The following DAB1 variants were observed in gnomAD, a reference collection of about 807,000 sequenced individuals.
The protein encoded by DAB1 is disabled homolog 1.
DAB1 carries 15 observed loss-of-function variants against 64.6 expected under a neutral mutation model. The ratio of observed to expected loss-of-function variants is 0.23; its 90% CI spans 0.16 to 0.36. DAB1 has a LOEUF of 0.36. DAB1 is among the 10% of genes least tolerant of loss of function. The probability of loss-of-function intolerance (pLI) is 1.00; values close to 1 mark genes in which losing one functional copy is unlikely to be tolerated. For missense variants in DAB1, 596 were observed against 706.7 expected, an observed-to-expected ratio of 0.84 and a Z score of 1.78; for synonymous variants, 235 against 251.9, an observed-to-expected ratio of 0.93 and a Z score of 0.64.
chr1:57,813,652 G>A (rs1261531176), intron 6 of DAB1, among the ~76,000 whole-genome samples: 1 of 152,170 alleles, frequency 6.6e-6, no homozygotes, highest in Admixed American at 6.5e-5. Flanking sequence ...ATGCTGTGTA[G>A]GAGCTGTTAG....
chr1:57,015,268 G>C lies in DAB1; in HGVS notation c.1059C>G (p.Pro353=). The C allele has an allele frequency of 6.2e-7, 1 of 1,614,168 alleles. No homozygotes were observed. Among genetic ancestry groups the C allele is most frequent in the African/African-American group, 1.3e-5 (1 of 75,050 alleles). The part of the protein sequence containing the change: ...QPGLFPATQQ[P]WPTVAGQFPP... ...GAAACTGCCCGGCCACAGTTGGCCA[G>C]GGCTGCTGAGTGGCAGGAAAGAGAC... The change falls in exon 12 of 15, where the codon CCC becomes CCG. Residue 353 remains proline (P), a synonymous_variant. Coordinates refer to ENST00000371236, the MANE Select transcript of DAB1 (RefSeq NM_001365792.1).
chr1:57,734,994 C>T (rs1473206047), intron 6 of DAB1, among the ~76,000 whole-genome samples: 1 of 152,236 alleles, frequency 6.6e-6, no homozygotes, highest in Non-Finnish European at 1.5e-5. Context: ...AATTTCATAT[C>T]TGTCATTCAC....
intron 5 of DAB1, among the ~76,000 whole-genome samples, chr1:57,930,416 T>C (rs764901282): frequency 6.6e-6 from 1 of 152,208 alleles, no homozygotes; most frequent in Non-Finnish European, 1.5e-5. Context: ...ATCCACAAAA[T>C]AACTTGCTGG....
chr1:58,296,255 A>AAG (rs1301324785), intron 4 of DAB1, among the ~76,000 whole-genome samples: 2 of 146,310 alleles, frequency 1.4e-5, no homozygotes, highest in Admixed American at 1.4e-4. Context: ...GAAAGAAAGA[A>AAG]AGAAAGAAAA....
chr1:58,311,056 C>T (rs942196186), intron 4 of DAB1, among the ~76,000 whole-genome samples: 1 of 152,136 alleles, frequency 6.6e-6, no homozygotes, highest in African/African-American at 2.4e-5. Context: ...AAGAATCCTG[C>T]TAAGTCAGTT....
At chr1:58,063,375 G>A (rs767644791) in intron 5 of DAB1, among the ~76,000 whole-genome samples, 2 of 152,104 alleles carry the variant, frequency 1.3e-5, no homozygotes, top group Non-Finnish European at 2.9e-5. Context: ...CAGAGGAAAT[G>A]TTTCACAGGA....
At chr1:57,485,783 G>T (rs1461994318) in intron 7 of DAB1, among the ~76,000 whole-genome samples, 1 of 152,210 alleles carries the variant, frequency 6.6e-6, no homozygotes, top group Non-Finnish European at 1.5e-5. Context: ...CATGCACTCA[G>T]TACATCCTCT....
chr1:57,898,434 G>A (rs1177672719), intron 5 of DAB1, among the ~76,000 whole-genome samples: 1 of 152,122 alleles, frequency 6.6e-6, no homozygotes. Flanking sequence ...CATGCATCAT[G>A]CTAGTCAACA....
intron 5 of DAB1, among the ~76,000 whole-genome samples, chr1:58,069,350 G>A (rs527934594): frequency 4.5e-4 from 69 of 152,218 alleles, no homozygotes; most frequent in African/African-American, 9.9e-4. Flanking sequence ...CCGAGGCACC[G>A]TCCTCTAAAA....
chr1:57,389,428 C>T (rs1283388743), intron 1 of DAB1, among the ~76,000 whole-genome samples: 3 of 152,246 alleles, frequency 2.0e-5, no homozygotes, highest in South Asian at 2.1e-4. Context: ...ATCCAAGATC[C>T]CTGGGGAACA....
chr1:58,526,111 A>G (rs1201403766), intron 2 of DAB1, among the ~76,000 whole-genome samples: 1 of 152,144 alleles, frequency 6.6e-6, no homozygotes, highest in African/African-American at 2.4e-5. Flanking sequence ...TTTCCTAACC[A>G]GAACACAGAA....
chr1:58,474,314 C>T (rs1645397431), intron 3 of DAB1, among the ~76,000 whole-genome samples: 1 of 152,084 alleles, frequency 6.6e-6, no homozygotes, highest in Non-Finnish European at 1.5e-5. Context: ...GAACTCAGAT[C>T]TTCTGACCTT....
chr1:57,630,978 C>T (rs1452943457), intron 7 of DAB1, among the ~76,000 whole-genome samples: 1 of 152,134 alleles, frequency 6.6e-6, no homozygotes, highest in Non-Finnish European at 1.5e-5. Context: ...ATAATTATTA[C>T]TGCAGTTCAA....
At chr1:57,049,504 AT>A (rs1648951389) in intron 9 of DAB1, among the ~76,000 whole-genome samples, 1 of 128,328 alleles carries the variant, frequency 7.8e-6, no homozygotes, top group Admixed American at 8.5e-5. Flanking sequence ...ATTCCCATGC[AT>A]GTAACTGACA....
intron 4 of DAB1, among the ~76,000 whole-genome samples, chr1:58,247,514 T>C (rs1349228755): frequency 6.6e-6 from 1 of 152,134 alleles, no homozygotes; most frequent in East Asian, 1.9e-4. Context: ...TCTCCAGTCA[T>C]GGATGAATGG....
intron 1 of DAB1, among the ~76,000 whole-genome samples, chr1:57,370,906 C>T (rs963986049): frequency 1.3e-5 from 2 of 152,130 alleles, no homozygotes; most frequent in Non-Finnish European, 2.9e-5. Flanking sequence ...AAATACTTTT[C>T]AATAACATTA....
In DAB1 at chr1:57,014,905, A is replaced by G; in HGVS notation, c.1422T>C (p.Ser474=). The change falls in exon 12 of 15, where the codon TCT becomes TCC. Residue 474 remains serine (S), a synonymous_variant. Coordinates refer to ENST00000371236, the MANE Select transcript of DAB1 (RefSeq NM_001365792.1). ...ISQLNLTPVT[S]TTPSTNSPPT... is the part of the protein sequence containing the mutation. ...CACGTGAGTTGGTCGATGGTGTGGT[A>G]GAAGTCACAGGGGTCAAATTCAACT... The G allele has an allele frequency of 6.3e-7, 1 of 1,586,578 alleles. No homozygotes were observed. Among genetic ancestry groups the G allele is most frequent in the Non-Finnish European group, 8.6e-7 (1 of 1,164,830 alleles).
chr1:57,514,714 C>A (rs974975069), intron 7 of DAB1, among the ~76,000 whole-genome samples: 1 of 152,132 alleles, frequency 6.6e-6, no homozygotes, highest in Non-Finnish European at 1.5e-5. Context: ...AAAGTGCTGG[C>A]AATACCAAAG....
At chr1:58,448,258 C>T (rs932218164) in intron 3 of DAB1, among the ~76,000 whole-genome samples, 3 of 152,180 alleles carry the variant, frequency 2.0e-5, no homozygotes, top group South Asian at 4.1e-4. Flanking sequence ...AAGATTAACC[C>T]ACTGGGGGCT....
Sources: gnomAD v4.1 joint callset for allele counts (sites outside exome capture counted in the v4.1 genomes callset) on GRCh38, gnomAD v4.1.1 for gene constraint, MANE v1.5 for transcripts, NCBI Gene and HGNC (gene_info 2026-07-23, HGNC 2026-07-21) for gene names.